Variants in RBFOX1 observed in about 807,000 individuals in gnomAD.
RBFOX1 encodes RNA binding protein fox-1 homolog 1.
RBFOX1 carries 8 observed loss-of-function variants against 57.7 expected under a neutral mutation model. That is an observed-to-expected ratio of 0.14 (90% confidence interval 0.08 to 0.25). RBFOX1 has a LOEUF of 0.25. Ranked by LOEUF, RBFOX1 falls within the 10% of genes least tolerant of loss-of-function variation. The pLI is 1.00. For synonymous variants in RBFOX1, 326 were observed against 222.4 expected (o/e 1.47, Z -4.15); for missense variants, 611 against 548.5 (o/e 1.11, Z -1.14).
At chr16:7,076,549 G>A (rs1011922786) in intron 4 of RBFOX1, among the ~76,000 whole-genome samples, 1 of 152,014 alleles carries the variant, frequency 6.6e-6, no homozygotes, top group Non-Finnish European at 1.5e-5. Context: ...TGACTCAAAT[G>A]GAACACCTGT....
chr16:5,566,660 A>G (rs2046083177), intron 2 of RBFOX1, among the ~76,000 whole-genome samples: 2 of 125,542 alleles, frequency 1.6e-5, no homozygotes, highest in South Asian at 2.8e-4. Flanking sequence ...ATGTGTATAT[A>G]TGTATATGTG....
At chr16:6,078,399 G>T (rs4124065) in intron 1 of RBFOX1, among the ~76,000 whole-genome samples, 127,054 of 151,730 alleles carry the variant, frequency 0.84, 53,753 homozygotes, top group African/African-American at 0.96. Context: ...CTTATGAGAC[G>T]TTTTTGGGGG....
At chr16:7,245,253 G>A (rs754537559) in intron 4 of RBFOX1, among the ~76,000 whole-genome samples, 1 of 152,048 alleles carries the variant, frequency 6.6e-6, no homozygotes, top group Non-Finnish European at 1.5e-5. Context: ...TCTAGATTTT[G>A]AGTAATTTTC....
intron 4 of RBFOX1, among the ~76,000 whole-genome samples, chr16:7,393,585 A>C (rs955466993): frequency 1.3e-5 from 2 of 152,120 alleles, no homozygotes; most frequent in Non-Finnish European, 2.9e-5. Flanking sequence ...GGGTGGTGGT[A>C]ATGAATCAGG....
At chr16:5,240,922 C>A (rs928081154) in intron 1 of RBFOX1, among the ~76,000 whole-genome samples, 15 of 152,188 alleles carry the variant, frequency 9.9e-5, no homozygotes, top group African/African-American at 3.6e-4. Context: ...AGATGAGGGC[C>A]CCCTGGAGAG....
chr16:7,610,067 C>T (rs996167221), intron 10 of RBFOX1, among the ~76,000 whole-genome samples: 2 of 146,816 alleles, frequency 1.4e-5, no homozygotes, highest in African/African-American at 2.5e-5. Flanking sequence ...CCGCCCTCCT[C>T]GGCCTCCTGA....
At chr16:5,604,491 A>C (rs968741836), downstream of RBFOX1, among the ~76,000 whole-genome samples, 4 of 152,160 alleles carry the variant, frequency 2.6e-5, no homozygotes, top group Non-Finnish European at 5.9e-5. Flanking sequence ...GGCCCTCTCC[A>C]CAGGCAGTTT....
At chr16:5,323,172 G>A (rs908330475) in intron 1 of RBFOX1, among the ~76,000 whole-genome samples, 1 of 152,216 alleles carries the variant, frequency 6.6e-6, no homozygotes, top group Non-Finnish European at 1.5e-5. Flanking sequence ...AGTGCTGTAT[G>A]CGTACATATT....
intron 1 of RBFOX1, among the ~76,000 whole-genome samples, chr16:6,253,173 T>C (rs943680320): frequency 1.3e-5 from 2 of 152,182 alleles, no homozygotes; most frequent in Non-Finnish European, 2.9e-5. Flanking sequence ...ACAGGTCTCA[T>C]CTAACTCCAA....
intron 4 of RBFOX1, among the ~76,000 whole-genome samples, chr16:7,108,776 T>C (rs1349212043): frequency 6.6e-6 from 1 of 152,194 alleles, no homozygotes; most frequent in East Asian, 1.9e-4. Flanking sequence ...TGCTCAAAGA[T>C]GCATGTATTA....
At chr16:6,829,822 G>A (rs749263816) in intron 3 of RBFOX1, among the ~76,000 whole-genome samples, 13 of 152,152 alleles carry the variant, frequency 8.5e-5, no homozygotes, top group African/African-American at 3.1e-4. Flanking sequence ...GGCTGGTATC[G>A]AATTCTTGAC....
At chr16:6,374,892 T>C (rs1263221493) in intron 2 of RBFOX1, among the ~76,000 whole-genome samples, 1 of 152,208 alleles carries the variant, frequency 6.6e-6, no homozygotes, top group Non-Finnish European at 1.5e-5. Context: ...CTGTCAAGAT[T>C]TATCTTATCA....
intron 1 of RBFOX1, among the ~76,000 whole-genome samples, chr16:5,359,442 G>A (rs1358490): frequency 0.43 from 64,894 of 152,010 alleles, 14,766 homozygotes; most frequent in East Asian, 0.7. Flanking sequence ...CAGTGTACAC[G>A]AGTTCCTTTT....
chr16:6,859,111 G>GTA (rs796794349), intron 3 of RBFOX1, among the ~76,000 whole-genome samples: 2,845 of 63,960 alleles, frequency 0.044, 109 homozygotes, highest in African/African-American at 0.051. Flanking sequence ...TAAAAAAAGT[G>GTA]TATATATATA....
At chr16:7,624,874 C>G (rs995383760) in intron 10 of RBFOX1, among the ~76,000 whole-genome samples, 4 of 152,040 alleles carry the variant, frequency 2.6e-5, no homozygotes, top group Non-Finnish European at 5.9e-5. Context: ...GTTGGTTTTG[C>G]GCCGATTGGA....
intron 1 of RBFOX1, among the ~76,000 whole-genome samples, chr16:6,262,398 G>A (rs993134245): frequency 1.3e-5 from 2 of 152,206 alleles, no homozygotes; most frequent in African/African-American, 4.8e-5. Context: ...GGCGGTGGGG[G>A]GTGGTGAGTG....
Position 7,355,425 on chromosome 16 carries a change from C to T in RBFOX1, c.28-162722C>T, listed in dbSNP as rs563423382. 3.3e-3 allele frequency among the ~76,000 whole-genome samples: 495 copies of T among 152,288 alleles called. 1 individual carries two copies. The highest frequency in any genetic ancestry group is 3.0e-3 in the Non-Finnish European group (203 of 68,022). ...CCCCTTTCTCCTGTCCTACCTCCCA[C>T]CCAGAGACAATACCTGCTAACGATT... On this transcript the variant is annotated intron_variant, in intron 4 of 15. Transcript: ENST00000550418.
chr16:6,095,527 C>T (rs1197735349), intron 1 of RBFOX1, among the ~76,000 whole-genome samples: 1 of 152,058 alleles, frequency 6.6e-6, no homozygotes, highest in East Asian at 1.9e-4. Flanking sequence ...GAAAGGTAGG[C>T]AGAACTGGAA....
chr16:6,019,325 C>T lies in RBFOX1; in HGVS notation c.-794C>T. 1 of 985,256 alleles carries T rather than the reference C, an allele frequency of 1.0e-6. No individual in the cohort carries two copies. Among genetic ancestry groups the T allele is most frequent in the Non-Finnish European group, 1.2e-6 (1 of 830,182 alleles). 61.0% of individuals were successfully genotyped at this position (985,256 alleles called of 1,614,324 possible). ...CCTCCTTTCCAGTCCCCGTGCGAGCCGCGCTGCCGCCGCCTCCTCCAGCCA... is the reference window on the plus strand; with the variant it reads ...CCTCCTTTCCAGTCCCCGTGCGAGCTGCGCTGCCGCCGCCTCCTCCAGCCA... On this transcript the variant is annotated 5_prime_UTR_variant, in exon 1 of 16. Coordinates refer to ENST00000550418, the MANE Select transcript of RBFOX1 (RefSeq NM_018723.4). This position sits in a 1 kb window ranked among gnomAD's most constrained non-coding sequence, Gnocchi z 4.2.
Sources: allele counts gnomAD v4.1 joint callset (sites outside exome capture counted in the v4.1 genomes callset), GRCh38; gene constraint gnomAD v4.1.1; non-coding constraint Gnocchi (gnomAD v3.1); transcripts MANE v1.5; gene names NCBI Gene and HGNC (gene_info 2026-07-23, HGNC 2026-07-21).